The following PCBP3 variants were observed in gnomAD, a reference collection of about 807,000 sequenced individuals.
PCBP3 encodes the protein poly(rC) binding protein 3.
In PCBP3, 25 loss-of-function variants were observed where a neutral mutation model predicts 52.7. That is an observed-to-expected ratio of 0.47 (90% CI 0.35 to 0.66). The LOEUF is 0.66. Among genes scored for constraint, PCBP3 ranks in the 30% least tolerant of loss-of-function variants. PCBP3 has a pLI of 0.01. For missense variants in PCBP3, 391 were observed against 490.3 expected, an observed-to-expected ratio of 0.80 and a Z score of 1.91; for synonymous variants, 162 against 183.0, an observed-to-expected ratio of 0.89 and a Z score of 0.93.
At chr21:45,824,734 G>A (rs1168018750) in intron 4 of PCBP3, among the ~76,000 whole-genome samples, 1 of 152,180 alleles carries the variant, frequency 6.6e-6, no homozygotes, top group Non-Finnish European at 1.5e-5. Context: ...TCCACATGAT[G>A]AAACCCAGAT....
intron 1 of PCBP3, among the ~76,000 whole-genome samples, chr21:45,659,337 CTTTT>C (rs36113182): frequency 2.5e-5 from 2 of 78,734 alleles, no homozygotes; most frequent in East Asian, 3.3e-4. Flanking sequence ...TTTTACTTTC[CTTTT>C]TTTTTTTTTT....
At chr21:45,753,328 C>T (rs1282042209) in intron 3 of PCBP3, among the ~76,000 whole-genome samples, 1 of 151,376 alleles carries the variant, frequency 6.6e-6, no homozygotes, top group Non-Finnish European at 1.5e-5. Context: ...ACCTTTTAAT[C>T]TTTATGTAAT....
At chr21:45,839,866 C>T (rs113065687) in intron 4 of PCBP3, among the ~76,000 whole-genome samples, 4,384 of 151,808 alleles carry the variant, frequency 0.029, 225 homozygotes, top group African/African-American at 0.099. Flanking sequence ...TTTGTACTTT[C>T]AGTAGAGACG....
At chr21:45,862,755 C>G (rs376437782) in intron 5 of PCBP3, among the ~76,000 whole-genome samples, 11 of 152,188 alleles carry the variant, frequency 7.2e-5, no homozygotes, top group African/African-American at 2.7e-4. Context: ...CTGTCCCCGA[C>G]GAAACCGGGC....
intron 11 of PCBP3, chr21:45,911,375 T>C (rs1214049349): frequency 3.8e-6 from 1 of 266,362 alleles, no homozygotes; most frequent in East Asian, 1.1e-4. Context: ...GCTCTTTACG[T>C]TGGAGTCAGG....
At chr21:45,921,533 A>G (rs1416195168) in intron 13 of PCBP3, among the ~76,000 whole-genome samples, 9 of 152,220 alleles carry the variant, frequency 5.9e-5, no homozygotes, top group Admixed American at 5.9e-4. Flanking sequence ...ATGGTGGCTC[A>G]GGCTGGGTGT....
chr21:45,874,908 T>A (rs959392940), intron 5 of PCBP3, among the ~76,000 whole-genome samples: 1 of 151,960 alleles, frequency 6.6e-6, no homozygotes, highest in African/African-American at 2.4e-5. Context: ...AGCTCTGGAG[T>A]GGCCCTAGAC....
chr21:45,787,915 A>G (rs2091269863), intron 4 of PCBP3, among the ~76,000 whole-genome samples: 1 of 152,230 alleles, frequency 6.6e-6, no homozygotes, highest in Non-Finnish European at 1.5e-5. Flanking sequence ...GCTTTGAGGT[A>G]TAGCTCAGGT....
Position 45,900,148 on chromosome 21 carries a change from A to G in PCBP3, c.190-443A>G, listed in dbSNP as rs145004172. ...GGGGGTCCTTCCCCTCAGTCCCACC[A>G]TGGGGGCGCCTCTAGTAGCTCATTG... On this transcript the variant is annotated intron_variant, in intron 7 of 17. Coordinates refer to ENST00000681687, the MANE Select transcript of PCBP3 (RefSeq NM_001384156.1). Among the ~76,000 whole-genome samples the G allele has an allele frequency of 3.0e-3, 457 of 152,264 alleles. 3 individuals are homozygous for G. Among genetic ancestry groups the G allele is most frequent in the Admixed American group, 5.0e-3 (77 of 15,304 alleles).
At chr21:45,785,318 C>T (rs1480071500) in intron 4 of PCBP3, among the ~76,000 whole-genome samples, 5 of 151,474 alleles carry the variant, frequency 3.3e-5, no homozygotes, top group South Asian at 2.1e-4. Context: ...CCCGGCCAGC[C>T]GCCCCGTCCG....
Position 45,737,315 on chromosome 21 carries a change from G to A in PCBP3, c.-162+1886G>A, listed in dbSNP as rs180702511. Reference sequence around the variant, plus strand: ...TTTAGCTAAAGCTGCTGTAATACCTGTTTCTTAGAGGAATCCAAATCCCTG... The same window carrying A: ...TTTAGCTAAAGCTGCTGTAATACCTATTTCTTAGAGGAATCCAAATCCCTG... On this transcript the variant is annotated intron_variant, in intron 3 of 17. Coordinates refer to ENST00000681687, the MANE Select transcript of PCBP3 (RefSeq NM_001384156.1). This position sits in a 1 kb window ranked among gnomAD's most constrained non-coding sequence, Gnocchi z 4.9. 1.3e-5 allele frequency among the ~76,000 whole-genome samples: 2 copies of A among 152,298 alleles called. No individual in the cohort carries two copies. The highest frequency in any genetic ancestry group is 1.9e-4 in the East Asian group (1 of 5,176).
intron 4 of PCBP3, among the ~76,000 whole-genome samples, chr21:45,757,077 C>T (rs2088127187): frequency 6.6e-6 from 1 of 152,190 alleles, no homozygotes; most frequent in Admixed American, 6.5e-5. Context: ...TATCTTAACT[C>T]TGTGTTTACC....
intron 17 of PCBP3, among the ~76,000 whole-genome samples, chr21:45,941,131 G>T (rs2077424502): frequency 9.0e-6 from 1 of 110,842 alleles, no homozygotes; most frequent in Non-Finnish European, 1.8e-5. Context: ...CCAGAGCCAG[G>T]TTGGGCCTCT....
chr21:45,910,555 G>A (rs1245159123), intron 10 of PCBP3, among the ~76,000 whole-genome samples: 1 of 152,184 alleles, frequency 6.6e-6, no homozygotes, highest in African/African-American at 2.4e-5. Context: ...CATGACCAGA[G>A]TCCACCTTTC....
intron 2 of PCBP3, among the ~76,000 whole-genome samples, chr21:45,670,897 A>C (rs1438691266): frequency 1.3e-5 from 2 of 152,124 alleles, no homozygotes; most frequent in Non-Finnish European, 2.9e-5. Flanking sequence ...CCAGCTCCTC[A>C]CAGTGGGTGG....
chr21:45,831,417 A>T (rs958333239), intron 4 of PCBP3, among the ~76,000 whole-genome samples: 11 of 151,834 alleles, frequency 7.2e-5, no homozygotes, highest in African/African-American at 2.4e-4. Flanking sequence ...TCAAAAAAAA[A>T]AAAAAAAAAA....
At chr21:45,698,918 G>A (rs921953992) in intron 2 of PCBP3, among the ~76,000 whole-genome samples, 3 of 152,162 alleles carry the variant, frequency 2.0e-5, no homozygotes, top group Non-Finnish European at 4.4e-5. Context: ...CAGGGGCAGG[G>A]AACATTTTAC....
At chr21:45,909,596 C>A in intron 10 of PCBP3, 110 bp downstream of exon 10, 2 of 1,060,598 alleles carry the variant, frequency 1.9e-6, no homozygotes, top group Admixed American at 2.3e-5. Flanking sequence ...TCTGCAAGCC[C>A]AATGCTGGCC....
intron 5 of PCBP3, among the ~76,000 whole-genome samples, chr21:45,874,848 C>T (rs1233717984): frequency 6.6e-6 from 1 of 152,196 alleles, no homozygotes; most frequent in East Asian, 1.9e-4. Context: ...TTTCGCTGCC[C>T]GTGTCCCCTG....
Sources: gnomAD v4.1 joint callset for allele counts (sites outside exome capture counted in the v4.1 genomes callset) on GRCh38, gnomAD v4.1.1 for gene constraint, Gnocchi (gnomAD v3.1) non-coding constraint, MANE v1.5 for transcripts, NCBI Gene and HGNC (gene_info 2026-07-23, HGNC 2026-07-21) for gene names.